The following PRKCE variants were observed in gnomAD, a reference collection of about 807,000 sequenced individuals.
The protein encoded by PRKCE is protein kinase C epsilon type.
Under a neutral mutation model 85.4 loss-of-function variants are expected in PRKCE, and 16 were observed. The observed-to-expected ratio is 0.19, with a 90% CI of 0.13 to 0.28. The LOEUF is 0.28. Ranked by LOEUF, PRKCE falls within the 10% of genes least tolerant of loss-of-function variation. The probability of loss-of-function intolerance (pLI) is 1.00; values close to 1 mark genes in which losing one functional copy is unlikely to be tolerated. For synonymous variants in PRKCE, 388 were observed against 371.5 expected, an observed-to-expected ratio of 1.04 and a Z score of -0.51; for missense variants, 573 against 975.2, an observed-to-expected ratio of 0.59 and a Z score of 5.49.
intron 11 of PRKCE, among the ~76,000 whole-genome samples, chr2:46,102,222 T>C (rs1159769899): frequency 6.6e-6 from 1 of 152,156 alleles, no homozygotes. Context: ...TTTTCAGGAC[T>C]AGTAATCAGA....
At chr2:46,104,651 T>C (rs1390758593) in intron 11 of PRKCE, among the ~76,000 whole-genome samples, 6 of 152,174 alleles carry the variant, frequency 3.9e-5, no homozygotes, top group African/African-American at 1.2e-4. Context: ...TTTGACTTCT[T>C]TGATGTTCAA....
intron 1 of PRKCE, among the ~76,000 whole-genome samples, chr2:45,783,733 G>A (rs943554285): frequency 2.0e-5 from 3 of 152,228 alleles, no homozygotes; most frequent in African/African-American, 7.2e-5. Context: ...TCTGGTCACA[G>A]GATGGTGTTT....
intron 2 of PRKCE, among the ~76,000 whole-genome samples, chr2:45,878,470 C>T (rs980337950): frequency 2.6e-5 from 4 of 152,202 alleles, no homozygotes; most frequent in Admixed American, 2.6e-4. Flanking sequence ...CATCTTTGAG[C>T]GGGCTCTGAT....
intron 1 of PRKCE, among the ~76,000 whole-genome samples, chr2:45,805,968 A>G (rs7564505): frequency 0.047 from 7,138 of 152,326 alleles, 323 homozygotes; most frequent in African/African-American, 0.11. Context: ...CAGAGAGGTC[A>G]AGGAGCTTGC....
intron 11 of PRKCE, among the ~76,000 whole-genome samples, chr2:46,135,399 C>T (rs561878002): frequency 4.9e-4 from 75 of 152,340 alleles, no homozygotes; most frequent in Middle Eastern, 6.8e-3. Flanking sequence ...CTGTTGCTCA[C>T]TCACCACCTG....
intron 14 of PRKCE, among the ~76,000 whole-genome samples, chr2:46,161,432 T>C (rs1244422844): frequency 6.6e-6 from 1 of 152,206 alleles, no homozygotes; most frequent in East Asian, 1.9e-4. Flanking sequence ...AGGATGAGAC[T>C]GAAGCTGAGG....
chr2:46,055,820 G>A (rs56945899), intron 10 of PRKCE, among the ~76,000 whole-genome samples: 5,422 of 152,186 alleles, frequency 0.036, 156 homozygotes, highest in East Asian at 0.11. Context: ...ACACCACCAC[G>A]CCTAGCTAAT....
intron 6 of PRKCE, among the ~76,000 whole-genome samples, chr2:45,992,610 A>ACC (rs1437114923): frequency 6.6e-6 from 1 of 152,114 alleles, no homozygotes; most frequent in Non-Finnish European, 1.5e-5. Context: ...GCCCTGGCTC[A>ACC]CCCTCAAGGG....
chr2:45,674,160 A>G (rs1396623559), intron 1 of PRKCE, among the ~76,000 whole-genome samples: 2 of 152,246 alleles, frequency 1.3e-5, no homozygotes, highest in Non-Finnish European at 2.9e-5. Flanking sequence ...AATGTGAAGG[A>G]GTCAAAGACT....
chr2:45,700,104 G>C (rs537505261), intron 1 of PRKCE, among the ~76,000 whole-genome samples: 1 of 151,938 alleles, frequency 6.6e-6, no homozygotes, highest in Non-Finnish European at 1.5e-5. Flanking sequence ...AGGCCGCCTG[G>C]GGTTGAGGAT....
At chr2:45,677,970 A>T (rs1161444153) in intron 1 of PRKCE, 1 of 855,274 alleles carries the variant, frequency 1.2e-6, no homozygotes, top group Non-Finnish European at 1.4e-6. Context: ...TGTGATGTAA[A>T]TATCAACTTG....
At chr2:45,863,483 G>A (rs1001701996) in intron 2 of PRKCE, among the ~76,000 whole-genome samples, 1 of 152,092 alleles carries the variant, frequency 6.6e-6, no homozygotes, top group Admixed American at 6.6e-5. Context: ...AGTGGTGCCT[G>A]CCTTCCCTCC....
chr2:45,668,398 G>A (rs886655684), intron 1 of PRKCE, among the ~76,000 whole-genome samples: 2 of 152,204 alleles, frequency 1.3e-5, no homozygotes, highest in African/African-American at 4.8e-5. Context: ...AATATAAATT[G>A]TGGATGATGT....
At chr2:45,828,204 C>T (rs1421432361) in intron 1 of PRKCE, among the ~76,000 whole-genome samples, 4 of 152,144 alleles carry the variant, frequency 2.6e-5, no homozygotes, top group Non-Finnish European at 5.9e-5. Flanking sequence ...GGAGGAACAC[C>T]ATCATATAGA....
At chr2:45,719,891 C>G (rs2104449919) in intron 1 of PRKCE, among the ~76,000 whole-genome samples, 1 of 152,244 alleles carries the variant, frequency 6.6e-6, no homozygotes, top group Non-Finnish European at 1.5e-5. Flanking sequence ...AGCCACTGCA[C>G]CTAGTCTGGG....
chr2:45,844,003 G>T (rs1157579295), intron 2 of PRKCE, among the ~76,000 whole-genome samples: 1 of 152,152 alleles, frequency 6.6e-6, no homozygotes, highest in Non-Finnish European at 1.5e-5. Context: ...GAACACTTGG[G>T]CCTTTCACAA....
chr2:45,847,944 G>A (rs1450160280), intron 2 of PRKCE, among the ~76,000 whole-genome samples: 1 of 152,174 alleles, frequency 6.6e-6, no homozygotes, highest in Non-Finnish European at 1.5e-5. Flanking sequence ...TGGATCCATG[G>A]CTAAGTCTTG....
At chr2:46,012,702 A>G (rs1705789086) in intron 10 of PRKCE, among the ~76,000 whole-genome samples, 1 of 152,210 alleles carries the variant, frequency 6.6e-6, no homozygotes, top group African/African-American at 2.4e-5. Context: ...GGATCATGGG[A>G]AGCCACGTTG....
chr2:45,908,483 A>T (rs1422276440), intron 2 of PRKCE, among the ~76,000 whole-genome samples: 1 of 152,178 alleles, frequency 6.6e-6, no homozygotes, highest in African/African-American at 2.4e-5. Context: ...AATGGGAAAG[A>T]TGCATTGTGT....
Sources: allele counts gnomAD v4.1 joint callset (sites outside exome capture counted in the v4.1 genomes callset), GRCh38; gene constraint gnomAD v4.1.1; transcripts MANE v1.5; gene names NCBI Gene and HGNC (gene_info 2026-07-23, HGNC 2026-07-21).